Variants in TAFA4 observed in about 807,000 individuals in gnomAD.
TAFA4 encodes the protein chemokine-like protein TAFA-4.
In TAFA4, 20 loss-of-function variants were observed where a neutral mutation model predicts 21.1. The ratio of observed to expected loss-of-function variants is 0.95; its 90% CI spans 0.67 to 1.38. The LOEUF (loss-of-function observed/expected upper bound fraction) is 1.38, where lower values mean the gene tolerates loss of function less well. TAFA4 is among the 40% of genes most tolerant of loss of function. The pLI is 0.00. For missense variants in TAFA4, 211 were observed against 180.9 expected (o/e 1.17, Z -0.95); for synonymous variants, 71 against 67.4 (o/e 1.05, Z -0.26).
intron 3 of TAFA4, among the ~76,000 whole-genome samples, chr3:68,773,860 C>T (rs115518314): frequency 0.01 from 1,565 of 152,094 alleles, 27 homozygotes; most frequent in African/African-American, 0.036. Flanking sequence ...GAATAATGTG[C>T]GATGAAAACA....
chr3:68,785,805 G>A (rs1020083422), intron 3 of TAFA4, among the ~76,000 whole-genome samples: 1 of 152,246 alleles, frequency 6.6e-6, no homozygotes, highest in Non-Finnish European at 1.5e-5. Context: ...GAGTGAGCGA[G>A]GGCTGTGAGG....
chr3:68,732,825 G>C lies in TAFA4; in HGVS notation c.*317C>G, dbSNP rs1434173809. 2 of 326,686 alleles carry C rather than the reference G, an allele frequency of 6.1e-6. No homozygotes were observed. Among genetic ancestry groups the C allele is most frequent in the Non-Finnish European group, 1.1e-5 (2 of 180,280 alleles). The allele number at this position is 326,686 out of a possible 1,614,324, so 20.2% of individuals were successfully genotyped here. A position where few individuals can be genotyped will look rare whatever the true frequency, so the allele number is the denominator to read the frequency against. ...TTTGTAAAAGCAGAAAGAAAGTGAA[G>C]AATGAACATGCCCTTAGTGGTGATC... On this transcript the variant is annotated 3_prime_UTR_variant, in exon 6 of 6. Transcript: ENST00000295569.
chr3:68,879,789 G>T (rs571548794), intron 3 of TAFA4, among the ~76,000 whole-genome samples: 1 of 152,264 alleles, frequency 6.6e-6, no homozygotes, highest in African/African-American at 2.4e-5. Flanking sequence ...TTGGTGGTAA[G>T]AATATCTCAT....
chr3:68,734,242 T>C (rs1365059055), intron 5 of TAFA4, among the ~76,000 whole-genome samples: 1 of 151,442 alleles, frequency 6.6e-6, no homozygotes, highest in East Asian at 1.9e-4. Context: ...CTTAAAAATG[T>C]AAAACCCAGT....
chr3:68,804,573 C>A (rs1314719543), intron 3 of TAFA4, among the ~76,000 whole-genome samples: 1 of 152,156 alleles, frequency 6.6e-6, no homozygotes, highest in Non-Finnish European at 1.5e-5. Context: ...CTATAGTAAC[C>A]AAAACAGCAT....
At chr3:68,860,792 G>A (rs72938874) in intron 3 of TAFA4, among the ~76,000 whole-genome samples, 83 of 152,088 alleles carry the variant, frequency 5.5e-4, no homozygotes, top group African/African-American at 1.8e-3. Context: ...ACAAATAAAC[G>A]ATAGTTCAAG....
chr3:68,892,554 T>C (rs1197610654), intron 1 of TAFA4, among the ~76,000 whole-genome samples: 1 of 152,194 alleles, frequency 6.6e-6, no homozygotes, highest in Non-Finnish European at 1.5e-5. Flanking sequence ...GTAACAAAAC[T>C]GTACATATGC....
chr3:68,736,965 T>C (rs1702252283), intron 5 of TAFA4, among the ~76,000 whole-genome samples: 1 of 152,140 alleles, frequency 6.6e-6, no homozygotes, highest in Non-Finnish European at 1.5e-5. Context: ...TCACTACCAT[T>C]GAGGATTTAG....
At chr3:68,815,140 T>A (rs1703940231) in intron 3 of TAFA4, among the ~76,000 whole-genome samples, 1 of 152,228 alleles carries the variant, frequency 6.6e-6, no homozygotes, top group Non-Finnish European at 1.5e-5. Flanking sequence ...GATCCCTTCC[T>A]TACATCTTAT....
chr3:68,921,101 AC>A (rs2090057269), intron 1 of TAFA4, among the ~76,000 whole-genome samples: 1 of 152,154 alleles, frequency 6.6e-6, no homozygotes, highest in South Asian at 2.1e-4. Flanking sequence ...CGAGGGGACA[AC>A]AGTGACTGAT....
intron 1 of TAFA4, among the ~76,000 whole-genome samples, chr3:68,909,312 G>A (rs1256040754): frequency 6.6e-6 from 1 of 152,162 alleles, no homozygotes; most frequent in Non-Finnish European, 1.5e-5. Context: ...ATTACAGTAA[G>A]AGAATATCCA....
At position 68,911,124 on chromosome 3, in the gene TAFA4, G is replaced by T. The variant is rs185520478; in HGVS notation, c.-123+21116C>A. Among the ~76,000 whole-genome samples, 220 of 152,296 alleles carry T rather than the reference G, an allele frequency of 1.4e-3. 1 individual carries two copies. The highest frequency in any genetic ancestry group is 5.1e-3 in the African/African-American group (213 of 41,556). On this transcript the variant is annotated intron_variant, in intron 1 of 5. Transcript: ENST00000295569. ...GGCACGGTTCACATTCAAACAGCTCGCTGCTGAAAGCAAAGACACTGCTGA... is the reference window on the plus strand; with the variant it reads ...GGCACGGTTCACATTCAAACAGCTCTCTGCTGAAAGCAAAGACACTGCTGA...
chr3:68,789,926 A>C (rs1355223879), intron 3 of TAFA4, among the ~76,000 whole-genome samples: 1 of 152,236 alleles, frequency 6.6e-6, no homozygotes, highest in African/African-American at 2.4e-5. Flanking sequence ...GAAATGCTAA[A>C]GGATATTCTT....
chr3:68,799,199 A>T (rs1207158063), intron 3 of TAFA4, among the ~76,000 whole-genome samples: 5 of 152,156 alleles, frequency 3.3e-5, no homozygotes, highest in Admixed American at 3.3e-4. Context: ...CTGCTGTAAC[A>T]ATATATCATA....
At chr3:68,751,072 G>A (rs577412629) in intron 4 of TAFA4, among the ~76,000 whole-genome samples, 1 of 152,194 alleles carries the variant, frequency 6.6e-6, no homozygotes, top group Non-Finnish European at 1.5e-5. Context: ...AGCAGACCAG[G>A]TGTGTCTCAT....
chr3:68,846,686 C>T (rs944300431), intron 3 of TAFA4, among the ~76,000 whole-genome samples: 2 of 152,106 alleles, frequency 1.3e-5, no homozygotes, highest in African/African-American at 4.8e-5. Flanking sequence ...ATGTTCATGA[C>T]CTTTGGATGG....
intron 3 of TAFA4, among the ~76,000 whole-genome samples, chr3:68,819,795 T>C (rs1704074140): frequency 3.9e-5 from 6 of 152,166 alleles, no homozygotes; most frequent in Admixed American, 3.9e-4. Context: ...TAAGTGTTGG[T>C]GAGGATGCAG....
rs146853867 is a variant in TAFA4 at position 68,775,543 on chromosome 3, T to G, written c.131-22525A>C. 2.4e-4 allele frequency among the ~76,000 whole-genome samples: 36 copies of G among 152,216 alleles called. 1 individual carries two copies. The East Asian group carries it at 6.8e-3, about 29-fold the overall frequency. On this transcript the variant is annotated intron_variant, in intron 3 of 5. Coordinates refer to ENST00000295569, the MANE Select transcript of TAFA4 (RefSeq NM_182522.5). ...AGTATTGAACTTATTCACAAGCTAC[T>G]CCAGCCTACCTTTGGGGAGGGGACA... is the stretch of plus-strand genomic sequence containing the variant.
At chr3:68,864,245 C>T (rs1490000) in intron 3 of TAFA4, among the ~76,000 whole-genome samples, 40,178 of 151,954 alleles carry the variant, frequency 0.26, 6,244 homozygotes, top group Middle Eastern at 0.37. Context: ...TCTCTCAAAA[C>T]TCAATACTGA....
Sources: allele counts gnomAD v4.1 joint callset (sites outside exome capture counted in the v4.1 genomes callset), GRCh38; gene constraint gnomAD v4.1.1; transcripts MANE v1.5; gene names NCBI Gene and HGNC (gene_info 2026-07-23, HGNC 2026-07-21).